Variants in AGBL4 observed in about 807,000 individuals in gnomAD.
AGBL4 encodes the protein cytosolic carboxypeptidase 6.
In AGBL4, 58 loss-of-function variants were observed where a neutral mutation model predicts 66.4. The ratio of observed to expected loss-of-function variants is 0.87; its 90% CI spans 0.71 to 1.09. The LOEUF (loss-of-function observed/expected upper bound fraction) is 1.09. AGBL4 is among the 50% of genes least tolerant of loss of function. The probability of loss-of-function intolerance (pLI) is 0.00; values close to 1 mark genes in which losing one functional copy is unlikely to be tolerated. For synonymous variants in AGBL4, 234 were observed against 222.9 expected (o/e 1.05, Z -0.44); for missense variants, 579 against 631.0 (o/e 0.92, Z 0.88).
intron 4 of AGBL4, among the ~76,000 whole-genome samples, chr1:49,115,288 G>A (rs1360057341): frequency 2.0e-5 from 3 of 152,100 alleles, no homozygotes; most frequent in Admixed American, 1.3e-4. Context: ...CAATACAAAG[G>A]CTGAAATTAG....
At chr1:49,219,139 A>T (rs1649304227) in intron 4 of AGBL4, among the ~76,000 whole-genome samples, 2 of 152,174 alleles carry the variant, frequency 1.3e-5, no homozygotes, top group Non-Finnish European at 2.9e-5. Context: ...GAGTTTCCAG[A>T]TCAGAAGCCC....
At chr1:49,422,604 C>A (rs1645568864) in intron 3 of AGBL4, among the ~76,000 whole-genome samples, 2 of 152,144 alleles carry the variant, frequency 1.3e-5, no homozygotes, top group Admixed American at 1.3e-4. Context: ...AGATGTAAGT[C>A]CTTTGACTCA....
At chr1:49,151,275 A>G (rs2148119760) in intron 4 of AGBL4, among the ~76,000 whole-genome samples, 1 of 147,344 alleles carries the variant, frequency 6.8e-6, no homozygotes, top group East Asian at 2.0e-4. Flanking sequence ...TCTCAAAAAA[A>G]AAAAAAATAT....
intron 6 of AGBL4, among the ~76,000 whole-genome samples, chr1:48,800,635 G>A (rs1300443049): frequency 6.6e-6 from 1 of 152,152 alleles, no homozygotes; most frequent in Non-Finnish European, 1.5e-5. Flanking sequence ...TTAATGCTAT[G>A]AACTTTCCTC....
At chr1:49,036,528 A>G (rs1664667229) in intron 5 of AGBL4, among the ~76,000 whole-genome samples, 2 of 152,112 alleles carry the variant, frequency 1.3e-5, no homozygotes, top group African/African-American at 4.8e-5. Flanking sequence ...GAGAAGACTC[A>G]TCAAGGGCAT....
chr1:48,523,192 C>A, the AGBL4 span, among the ~76,000 whole-genome samples: 8 of 152,210 alleles, frequency 5.3e-5, no homozygotes, highest in East Asian at 1.4e-3. Context: ...GAACATATTG[C>A]GATTAGATTC....
intron 3 of AGBL4, among the ~76,000 whole-genome samples, chr1:49,538,024 G>A (rs1208100221): frequency 6.6e-6 from 1 of 151,588 alleles, no homozygotes; most frequent in Non-Finnish European, 1.5e-5. Context: ...CAACCTCTAT[G>A]GACACCTGTA....
intron 6 of AGBL4, among the ~76,000 whole-genome samples, chr1:48,797,632 A>G: frequency 6.6e-6 from 1 of 151,670 alleles, no homozygotes; most frequent in South Asian, 2.1e-4. Flanking sequence ...GAGTCTCACT[A>G]TGTTGCCCAG....
rs1011886664 is a variant in AGBL4 at position 48,727,805 on chromosome 1, G to T, written c.635-64564C>A. ...GCACACACACCACCATGCACGGTGG[G>T]GTCTGATTTGGACGGCACCATCGCT... On this transcript the variant is annotated intron_variant, in intron 6 of 13. Transcript: ENST00000371839. 6.0e-6 allele frequency: 8 copies of T among 1,343,818 alleles called. No homozygotes were observed. In the East Asian group the frequency reaches 1.6e-4, roughly 27 times the overall value. 83.2% of individuals were successfully genotyped at this position (1,343,818 alleles called of 1,614,324 possible). A position where few individuals can be genotyped will look rare whatever the true frequency, so the allele number is the denominator to read the frequency against.
chr1:49,697,852 T>C (rs1200038294), intron 2 of AGBL4, among the ~76,000 whole-genome samples: 3 of 152,190 alleles, frequency 2.0e-5, no homozygotes, highest in Non-Finnish European at 4.4e-5. Flanking sequence ...ATACATTGGA[T>C]CTTGTTTAAT....
intron 3 of AGBL4, among the ~76,000 whole-genome samples, chr1:49,631,899 C>A (rs756021899): frequency 1.3e-5 from 2 of 152,182 alleles, no homozygotes; most frequent in Non-Finnish European, 1.5e-5. Flanking sequence ...TCCTACTATG[C>A]CTAGTCATTG....
intron 3 of AGBL4, among the ~76,000 whole-genome samples, chr1:49,431,589 G>C (rs928987181): frequency 6.6e-6 from 1 of 152,094 alleles, no homozygotes; most frequent in Non-Finnish European, 1.5e-5. Flanking sequence ...TGATTGAGAA[G>C]GACACCAGCA....
chr1:48,752,260 C>A (rs1233671491), intron 6 of AGBL4, among the ~76,000 whole-genome samples: 1 of 152,034 alleles, frequency 6.6e-6, no homozygotes, highest in African/African-American at 2.4e-5. Context: ...CTGAAAGAGA[C>A]AGGAAAGAGC....
At chr1:49,540,694 G>A (rs1019385262) in intron 3 of AGBL4, among the ~76,000 whole-genome samples, 5 of 152,076 alleles carry the variant, frequency 3.3e-5, no homozygotes, top group African/African-American at 1.2e-4. Flanking sequence ...ATATCCAAGT[G>A]AGAAGTATTA....
intron 3 of AGBL4, among the ~76,000 whole-genome samples, chr1:49,496,517 A>ACCCAC (rs1383681213): frequency 5.4e-5 from 8 of 147,740 alleles, no homozygotes; most frequent in Non-Finnish European, 9.0e-5. Context: ...CCAACATCTC[A>ACCCAC]CCCACCCCAC....
intron 6 of AGBL4, among the ~76,000 whole-genome samples, chr1:48,754,636 C>A (rs1326766145): frequency 2.0e-5 from 3 of 152,066 alleles, no homozygotes; most frequent in African/African-American, 7.2e-5. Context: ...GGTCACGGGG[C>A]AAAAGTTTAC....
intron 3 of AGBL4, among the ~76,000 whole-genome samples, chr1:49,528,850 C>A (rs148323478): frequency 1.3e-5 from 2 of 152,106 alleles, no homozygotes; most frequent in East Asian, 1.9e-4. Context: ...TAAGAAATTA[C>A]AAGTAGTTCT....
At chr1:49,500,009 C>A (rs1005931994) in intron 3 of AGBL4, among the ~76,000 whole-genome samples, 1 of 151,992 alleles carries the variant, frequency 6.6e-6, no homozygotes, top group Admixed American at 6.6e-5. Flanking sequence ...AAAGTGTTCC[C>A]TTTTCACCAC....
intron 1 of AGBL4, among the ~76,000 whole-genome samples, chr1:49,944,636 T>C (rs188494469): frequency 6.6e-6 from 1 of 151,986 alleles, no homozygotes; most frequent in East Asian, 1.9e-4. Context: ...TCTGGTAATA[T>C]GACAAATAAG....
Sources: allele counts gnomAD v4.1 joint callset (sites outside exome capture counted in the v4.1 genomes callset), GRCh38; gene constraint gnomAD v4.1.1; transcripts MANE v1.5; gene names NCBI Gene and HGNC (gene_info 2026-07-23, HGNC 2026-07-21).